MINPP1: variants seen among roughly 807,000 people sequenced by gnomAD.
The protein encoded by MINPP1 is multiple inositol polyphosphate phosphatase 1.
MINPP1 carries 28 observed loss-of-function variants against 46.1 expected under a neutral mutation model. The ratio of observed to expected loss-of-function variants is 0.61; its 90% CI spans 0.45 to 0.83. The LOEUF (loss-of-function observed/expected upper bound fraction) is 0.83, where lower values mean the gene tolerates loss of function less well. Ranked by LOEUF, MINPP1 falls within the 40% of genes least tolerant of loss-of-function variation. The probability of loss-of-function intolerance (pLI) is 0.00; values close to 1 mark genes in which losing one functional copy is unlikely to be tolerated. For missense variants in MINPP1, 603 were observed against 610.0 expected (o/e 0.99, Z 0.12); for synonymous variants, 268 against 249.1 (o/e 1.08, Z -0.72).
intron 4 of MINPP1, among the ~76,000 whole-genome samples, chr10:87,530,292 A>G (rs535048712): frequency 4.6e-5 from 7 of 152,202 alleles, no homozygotes; most frequent in African/African-American, 1.4e-4. Flanking sequence ...AGGTGCTCTG[A>G]TTTTTAGAAT....
intron 4 of MINPP1, among the ~76,000 whole-genome samples, chr10:87,523,843 G>A (rs1851536890): frequency 6.6e-6 from 1 of 152,166 alleles, no homozygotes; most frequent in Admixed American, 6.5e-5. Flanking sequence ...ATTTTGAAAG[G>A]AATCTTTCTT....
chr10:87,550,967 C>A (rs185668462), intron 4 of MINPP1, among the ~76,000 whole-genome samples: 1 of 152,058 alleles, frequency 6.6e-6, no homozygotes, highest in South Asian at 2.1e-4. Context: ...TCACACACAG[C>A]GCTTCCAGTG....
At chr10:87,521,238 A>G in intron 4 of MINPP1, 69 bp downstream of exon 4, 1 of 1,270,352 alleles carries the variant, frequency 7.9e-7, no homozygotes, top group Non-Finnish European at 1.1e-6. Flanking sequence ...TTTTTTTATA[A>G]TGAGTAATTT....
chr10:87,507,804 G>A lies in MINPP1; in HGVS notation c.638-532G>A, dbSNP rs191765082. On this transcript the variant is annotated intron_variant, in intron 1 of 4. Coordinates refer to ENST00000371996, the MANE Select transcript of MINPP1 (RefSeq NM_004897.5). ...TAAACCAATTCACAGGCCCAGCACA[G>A]TGAAGCACAGGAGACCCAAAACATC... 1.1e-5 allele frequency: 11 copies of A among 1,014,374 alleles called. No homozygotes were observed. In the East Asian group the frequency reaches 7.8e-4, roughly 72 times the overall value. The allele number at this position is 1,014,374 out of a possible 1,614,324, so 62.8% of individuals were successfully genotyped here. A position where few individuals can be genotyped will look rare whatever the true frequency, so the allele number is the denominator to read the frequency against.
intron 4 of MINPP1, among the ~76,000 whole-genome samples, chr10:87,543,183 C>T (rs1407609766): frequency 2.0e-5 from 3 of 152,276 alleles, no homozygotes; most frequent in Middle Eastern, 3.4e-3. Flanking sequence ...CTGGCTGCTT[C>T]TAACAGCCTA....
intron 4 of MINPP1, among the ~76,000 whole-genome samples, chr10:87,543,513 G>A (rs1350024339): frequency 6.6e-6 from 1 of 152,070 alleles, no homozygotes; most frequent in Non-Finnish European, 1.5e-5. Context: ...TAATTAGCTG[G>A]GTGTGGTGGT....
chr10:87,525,254 ACT>A (rs1851559773), intron 4 of MINPP1, among the ~76,000 whole-genome samples: 2 of 152,022 alleles, frequency 1.3e-5, no homozygotes, highest in Non-Finnish European at 2.9e-5. Context: ...TCAAAAAGAA[ACT>A]CTATATGCTG....
chr10:87,535,145 G>T (rs569631611), intron 4 of MINPP1, among the ~76,000 whole-genome samples: 1 of 152,366 alleles, frequency 6.6e-6, no homozygotes, highest in African/African-American at 2.4e-5. Context: ...GATGTAAGAT[G>T]TAAGGTGAGC....
chr10:87,505,022 G>A lies in MINPP1; in HGVS notation c.107G>A (p.Arg36Lys). Residue 36 changes from arginine (R) to lysine (K), a missense_variant, in exon 1 of 5, where the codon AGG becomes AAG. Around this residue, in one of 3 missense-constraint regions of MINPP1, gnomAD observed 239 missense variants for 189.4 expected, o/e 1.26. Coordinates refer to ENST00000371996, the MANE Select transcript of MINPP1 (RefSeq NM_004897.5). The surrounding 1 kb of genome is among the most constrained non-coding windows in gnomAD (Gnocchi z 4.4). ...GCGCGCTGCTCTCTTCTAGAGCCGA[G>A]GGACCCGGTGGCCTCGTCGCTCAGC... ...SLARCSLLEPRDPVASSLSPY... is the reference protein window; with the variant it reads ...SLARCSLLEPKDPVASSLSPY... 6.2e-7 allele frequency: 1 copy of A among 1,613,124 alleles called. No homozygotes were observed. Among genetic ancestry groups the A allele is most frequent in the South Asian group, 1.1e-5 (1 of 91,052 alleles).
intron 4 of MINPP1, among the ~76,000 whole-genome samples, chr10:87,532,117 C>G (rs746910482): frequency 6.6e-6 from 1 of 152,190 alleles, no homozygotes; most frequent in Non-Finnish European, 1.5e-5. Flanking sequence ...CCCCTGCCCC[C>G]CTTGGCAATT....
At chr10:87,526,318 A>G (rs894814130) in intron 4 of MINPP1, among the ~76,000 whole-genome samples, 1 of 152,124 alleles carries the variant, frequency 6.6e-6, no homozygotes, top group African/African-American at 2.4e-5. Flanking sequence ...GCATTTTTTC[A>G]TGTGTCTGTT....
chr10:87,544,155 TG>T (rs1851855928), intron 4 of MINPP1, among the ~76,000 whole-genome samples: 1 of 152,234 alleles, frequency 6.6e-6, no homozygotes. Flanking sequence ...GGCTTCAAGT[TG>T]GGGTTTTCAC....
intron 4 of MINPP1, among the ~76,000 whole-genome samples, chr10:87,544,052 A>G (rs1050980397): frequency 2.0e-5 from 3 of 152,174 alleles, no homozygotes; most frequent in Non-Finnish European, 2.9e-5. Flanking sequence ...GTAGCATCAG[A>G]TCTTACAAGT....
At chr10:87,515,323 G>T (rs1210162327) in intron 3 of MINPP1, among the ~76,000 whole-genome samples, 1 of 151,868 alleles carries the variant, frequency 6.6e-6, no homozygotes. Context: ...GGAGGTGGAG[G>T]TTGCAGTGAG....
chr10:87,529,156 T>C (rs1169606178), intron 4 of MINPP1, among the ~76,000 whole-genome samples: 1 of 152,216 alleles, frequency 6.6e-6, no homozygotes, highest in Non-Finnish European at 1.5e-5. Context: ...GTCTTGACTC[T>C]TTATCCAATT....
At chr10:87,533,013 T>C (rs972541201) in intron 4 of MINPP1, among the ~76,000 whole-genome samples, 1 of 152,052 alleles carries the variant, frequency 6.6e-6, no homozygotes, top group African/African-American at 2.4e-5. Flanking sequence ...CTTAAAATCC[T>C]TTTTTTAAAT....
At chr10:87,551,073 A>G (rs1248955369) in intron 4 of MINPP1, among the ~76,000 whole-genome samples, 1 of 152,054 alleles carries the variant, frequency 6.6e-6, no homozygotes, top group South Asian at 2.1e-4. Flanking sequence ...GATAATATCT[A>G]GTGCTTGAGG....
At chr10:87,549,080 TA>T (rs1234683434) in intron 4 of MINPP1, among the ~76,000 whole-genome samples, 1 of 152,212 alleles carries the variant, frequency 6.6e-6, no homozygotes, top group African/African-American at 2.4e-5. Flanking sequence ...TAAGCATTTT[TA>T]AGTATAATTT....
At chr10:87,530,053 A>G (rs1438998584) in intron 4 of MINPP1, among the ~76,000 whole-genome samples, 1 of 152,166 alleles carries the variant, frequency 6.6e-6, no homozygotes, top group Non-Finnish European at 1.5e-5. Context: ...TTTCAGCTCC[A>G]TCAGGTCATT....
Sources: gnomAD v4.1 joint callset for allele counts (sites outside exome capture counted in the v4.1 genomes callset) on GRCh38, gnomAD v4.1.1 for gene constraint, gnomAD v4.1.1 regional missense constraint, Gnocchi (gnomAD v3.1) non-coding constraint, MANE v1.5 for transcripts, NCBI Gene and HGNC (gene_info 2026-07-23, HGNC 2026-07-21) for gene names.